Variants in OXNAD1 observed in about 807,000 individuals in gnomAD.
OXNAD1 encodes oxidoreductase NAD binding domain containing 1.
A neutral mutation model predicts 32.9 loss-of-function variants in OXNAD1; 34 were observed. That is an observed-to-expected ratio of 1.03 (90% CI 0.79 to 1.38). OXNAD1 has a LOEUF of 1.38. Ranked by LOEUF, OXNAD1 falls within the 40% of genes most tolerant of loss-of-function variation. The probability of loss-of-function intolerance (pLI) is 0.00; values close to 1 mark genes in which losing one functional copy is unlikely to be tolerated. For synonymous variants in OXNAD1, 134 were observed against 135.2 expected (o/e 0.99, Z 0.06); for missense variants, 407 against 379.4 (o/e 1.07, Z -0.60).
intron 4 of OXNAD1, among the ~76,000 whole-genome samples, chr3:16,283,496 C>T (rs2065886376): frequency 6.6e-6 from 1 of 152,176 alleles, no homozygotes; most frequent in Non-Finnish European, 1.5e-5. Flanking sequence ...TATGATTATT[C>T]ATATCAACTG....
chr3:16,321,655 C>T lies in OXNAD1; in HGVS notation c.*31-15457C>T, dbSNP rs890229478. Reference sequence around the variant, plus strand: ...GGTCTTGTGTAGAACAAGTGCTCCACACCAGTCACCTACAGTCTTGGAATG... The same window carrying T: ...GGTCTTGTGTAGAACAAGTGCTCCATACCAGTCACCTACAGTCTTGGAATG... On this transcript the variant is annotated intron_variant, in intron 9 of 9. Transcript: ENST00000435829. This position sits in a 1 kb window ranked among gnomAD's most constrained non-coding sequence, Gnocchi z 4.8. 2.6e-5 allele frequency among the ~76,000 whole-genome samples: 4 copies of T among 152,074 alleles called. No homozygotes were observed. The highest frequency in any genetic ancestry group is 9.7e-5 in the African/African-American group (4 of 41,392).
chr3:16,267,228 C>T (rs1283627152), intron 1 of OXNAD1, among the ~76,000 whole-genome samples: 1 of 152,164 alleles, frequency 6.6e-6, no homozygotes, highest in Admixed American at 6.5e-5. Context: ...TAGCTGTTAC[C>T]TTATTATAAT....
chr3:16,320,048 C>T lies in OXNAD1; in HGVS notation c.*30+16456C>T, dbSNP rs2068868809. 6.6e-6 allele frequency among the ~76,000 whole-genome samples: 1 copy of T among 152,232 alleles called. No individual in the cohort carries two copies. The highest frequency in any genetic ancestry group is 2.4e-5 in the African/African-American group (1 of 41,462). On this transcript the variant is annotated intron_variant, in intron 9 of 9. Coordinates refer to the OXNAD1 transcript ENST00000435829. This position sits in a 1 kb window ranked among gnomAD's most constrained non-coding sequence, Gnocchi z 4.5. Reference sequence around the variant, plus strand: ...AATTAGCCGCCCAATTCAGAAATAACTGTCTAAAAGAAAAAAAGAAATCCT... The same window carrying T: ...AATTAGCCGCCCAATTCAGAAATAATTGTCTAAAAGAAAAAAAGAAATCCT...
In OXNAD1 at chr3:16,271,123, G is replaced by T. The variant is rs776989597; in HGVS notation, c.119+52G>T. The T allele has an allele frequency of 5.2e-5, 83 of 1,593,232 alleles. No homozygotes were observed. Among genetic ancestry groups the T allele is most frequent in the Non-Finnish European group, 6.8e-5 (79 of 1,166,042 alleles). The stretch of plus-strand genomic sequence containing the variant: ...TTGAAGTTAATTTTCAAAGAGACCC[G>T]ACCTGCTGATGGTTGTGGGAGGCAT... On this transcript the variant is annotated intron_variant, in intron 3 of 8. Transcript: ENST00000285083. The surrounding 1 kb of genome is among the most constrained non-coding windows in gnomAD (Gnocchi z 4.6).
At chr3:16,266,884 C>T (rs2064558938) in intron 1 of OXNAD1, among the ~76,000 whole-genome samples, 1 of 152,112 alleles carries the variant, frequency 6.6e-6, no homozygotes, top group African/African-American at 2.4e-5. Flanking sequence ...AGGAGACTTG[C>T]TGAAGATTAG....
chr3:16,312,154 T>A lies in OXNAD1; in HGVS notation c.*30+8562T>A, dbSNP rs1171032421. ...TATCAACAGGAACCTGTGGTGAACA[T>A]CACTTTGCTTCCTTCTCTGGCAACA... On this transcript the variant is annotated intron_variant, in intron 9 of 9. Coordinates refer to the OXNAD1 transcript ENST00000435829. The surrounding 1 kb of genome is among the most constrained non-coding windows in gnomAD (Gnocchi z 4.7). Among the ~76,000 whole-genome samples, 1 of 152,198 alleles carries A rather than the reference T, an allele frequency of 6.6e-6. No homozygotes were observed. Among genetic ancestry groups the A allele is most frequent in the Non-Finnish European group, 1.5e-5 (1 of 68,040 alleles).
intron 6 of OXNAD1, among the ~76,000 whole-genome samples, chr3:16,295,954 T>C (rs767407465): frequency 6.6e-6 from 1 of 152,176 alleles, no homozygotes; most frequent in Non-Finnish European, 1.5e-5. Context: ...AGGAGCCACA[T>C]GGAAATAAGT....
At chr3:16,325,953 G>A (rs766319617) in intron 9 of OXNAD1, among the ~76,000 whole-genome samples, 5 of 152,254 alleles carry the variant, frequency 3.3e-5, no homozygotes, top group African/African-American at 4.8e-5. Context: ...GAGACGGCCT[G>A]CTCCAGGAAA....
At chr3:16,276,051 T>C in intron 4 of OXNAD1, 1 of 156,292 alleles carries the variant, frequency 6.4e-6, no homozygotes, top group Non-Finnish European at 1.4e-5. Context: ...TATTTTGACT[T>C]GAACCTGGGA....
intron 9 of OXNAD1, among the ~76,000 whole-genome samples, chr3:16,333,175 G>A (rs1420268853): frequency 6.6e-6 from 1 of 152,156 alleles, no homozygotes; most frequent in African/African-American, 2.4e-5. Flanking sequence ...TATGCATAGG[G>A]GCTATTTTTA....
At chr3:16,268,838 C>G (rs1277986795) in intron 1 of OXNAD1, among the ~76,000 whole-genome samples, 1 of 152,146 alleles carries the variant, frequency 6.6e-6, no homozygotes, top group Non-Finnish European at 1.5e-5. Context: ...TGACATGTAA[C>G]TGTGTCATTC....
At position 16,322,568 on chromosome 3, in the gene OXNAD1, C is replaced by T. The variant is rs898620347; in HGVS notation, c.*31-14544C>T. Among the ~76,000 whole-genome samples, 4 of 152,134 alleles carry T rather than the reference C, an allele frequency of 2.6e-5. No homozygotes were observed. The highest frequency in any genetic ancestry group is 4.4e-5 in the Non-Finnish European group (3 of 68,024). On this transcript the variant is annotated intron_variant, in intron 9 of 9. Coordinates refer to the OXNAD1 transcript ENST00000435829. This position sits in a 1 kb window ranked among gnomAD's most constrained non-coding sequence, Gnocchi z 6.2. ...TGACTCAGGCTTTGGTGTGTCCACT[C>T]GACTCACTGGCCTCTTCCCCAGCAA...
chr3:16,299,950 T>C lies in OXNAD1; in HGVS notation c.433-1676T>C, dbSNP rs2067061324. Among the ~76,000 whole-genome samples, 1 of 152,162 alleles carries C rather than the reference T, an allele frequency of 6.6e-6. No homozygotes were observed. Among genetic ancestry groups the C allele is most frequent in the Non-Finnish European group, 1.5e-5 (1 of 68,036 alleles). ...ACTCGGGAGTTCCACCCACTGTGAG[T>C]CAGTTCATGTTCACACCAACCCTGT... On this transcript the variant is annotated intron_variant, in intron 6 of 8. Coordinates refer to ENST00000285083, the MANE Select transcript of OXNAD1 (RefSeq NM_138381.5). The surrounding 1 kb of genome is among the most constrained non-coding windows in gnomAD (Gnocchi z 4.4).
intron 4 of OXNAD1, among the ~76,000 whole-genome samples, chr3:16,278,057 C>G (rs568634951): frequency 2.0e-5 from 3 of 152,296 alleles, no homozygotes; most frequent in South Asian, 2.1e-4. Flanking sequence ...AATATATGCT[C>G]TGTTCATCAG....
intron 9 of OXNAD1, among the ~76,000 whole-genome samples, chr3:16,325,927 C>G (rs1473174486): frequency 1.3e-5 from 2 of 152,148 alleles, no homozygotes; most frequent in African/African-American, 4.8e-5. Context: ...CGGGGGCATC[C>G]TTGCTGGTCA....
chr3:16,301,549 CAG>C lies in OXNAD1; in HGVS notation c.433-76_433-75del. The C allele has an allele frequency of 2.0e-6, 3 of 1,532,380 alleles. No homozygotes were observed. Among genetic ancestry groups the C allele is most frequent in the South Asian group, 2.4e-5 (2 of 83,550 alleles). The allele number at this position is 1,532,380 out of a possible 1,614,324, so 94.9% of individuals were successfully genotyped here. On this transcript the variant is annotated intron_variant, in intron 6 of 8. Coordinates refer to ENST00000285083, the MANE Select transcript of OXNAD1 (RefSeq NM_138381.5). This position sits in a 1 kb window ranked among gnomAD's most constrained non-coding sequence, Gnocchi z 4.1. The stretch of plus-strand genomic sequence containing the variant: ...ATACTGATAATACAGGAGATAGACC[CAG>C]TTTTATTAAAGTAGAACATTTGGTT...
At position 16,348,244 on chromosome 3, in the gene OXNAD1, C is replaced by T. The variant is rs192825770; in HGVS notation, c.*31-932C>T. Reference sequence around the variant, plus strand: ...GAAAGCATGATGGTAAAAAGGAAGCCGAGGCATCTAGATCACTGACATTAT... The same window carrying T: ...GAAAGCATGATGGTAAAAAGGAAGCTGAGGCATCTAGATCACTGACATTAT... On this transcript the variant is annotated intron_variant, in intron 9 of 9. Transcript: ENST00000606098. The surrounding 1 kb of genome is among the most constrained non-coding windows in gnomAD (Gnocchi z 6.3). Among the ~76,000 whole-genome samples the T allele has an allele frequency of 2.6e-5, 4 of 152,004 alleles. No homozygotes were observed. Among genetic ancestry groups the T allele is most frequent in the African/African-American group, 9.6e-5 (4 of 41,452 alleles).
intron 9 of OXNAD1, among the ~76,000 whole-genome samples, chr3:16,331,115 G>A (rs540225098): frequency 4.6e-5 from 7 of 152,278 alleles, no homozygotes; most frequent in South Asian, 2.1e-4. Flanking sequence ...AAGTGACTGG[G>A]GACAGTTTGC....
chr3:16,266,718 C>T (rs1399254995), intron 1 of OXNAD1, among the ~76,000 whole-genome samples: 3 of 151,906 alleles, frequency 2.0e-5, no homozygotes, highest in African/African-American at 2.4e-5. Context: ...AATACCAAAC[C>T]TCCACCTCTC....
Sources: allele counts gnomAD v4.1 joint callset (sites outside exome capture counted in the v4.1 genomes callset), GRCh38; gene constraint gnomAD v4.1.1; non-coding constraint Gnocchi (gnomAD v3.1); transcripts MANE v1.5; gene names NCBI Gene and HGNC (gene_info 2026-07-23, HGNC 2026-07-21).